The following DNAAF8 variants were observed in gnomAD, a reference collection of about 807,000 sequenced individuals.
The protein encoded by DNAAF8 is dynein axonemal-associated protein 1.
In DNAAF8, 61 loss-of-function variants were observed where a neutral mutation model predicts 54.6. That is an observed-to-expected ratio of 1.12 (90% CI 0.91 to 1.38). DNAAF8 has a LOEUF of 1.38. DNAAF8 is among the 40% of genes most tolerant of loss of function. The pLI, the probability that DNAAF8 is intolerant of heterozygous loss-of-function variation, is 0.00. For missense variants in DNAAF8, 837 were observed against 665.0 expected, an observed-to-expected ratio of 1.26 and a Z score of -2.85; for synonymous variants, 320 against 270.1, an observed-to-expected ratio of 1.18 and a Z score of -1.81.
At position 4,746,994 on chromosome 16, in the gene DNAAF8, G is replaced by T. The variant is rs1302075607; in HGVS notation, c.1249G>T (p.Glu417Ter). ...EEEMAALGDA[E>*]GASPSSLGLR... ...AGAGATGGCAGCTCTGGGAGACGCA[G>T]AGGGGGCATCTCCTTCCTCCCTGGG... Residue 417 changes from glutamate to a stop codon, truncating the protein, a stop_gained, in exon 8 of 10, where the codon GAG (glutamate) becomes TAG (stop). Coordinates refer to ENST00000299320, the MANE Select transcript of DNAAF8 (RefSeq NM_139170.3). LOFTEE classifies it high-confidence loss of function. The T allele has an allele frequency of 6.5e-7, 1 of 1,542,878 alleles. No individual in the cohort carries two copies. The highest frequency in any genetic ancestry group is 2.4e-5 in the East Asian group (1 of 41,448).
chr16:4,742,552 CAAAA>C (rs576508321), intron 4 of DNAAF8, among the ~76,000 whole-genome samples: 8 of 94,688 alleles, frequency 8.4e-5, no homozygotes, highest in Admixed American at 8.1e-4. Context: ...ACTAAAAATA[CAAAA>C]AAAAAAAAAA....
intron 7 of DNAAF8, 163 bp from the exon 8 acceptor site, chr16:4,746,764 C>T: frequency 1.3e-6 from 1 of 764,524 alleles, no homozygotes; most frequent in Non-Finnish European, 2.0e-6. Flanking sequence ...AGGGCATCAC[C>T]CACACCTGTC....
intron 4 of DNAAF8, among the ~76,000 whole-genome samples, 187 bp from the exon 5 acceptor site, chr16:4,742,856 G>A (rs1419008712): frequency 1.3e-5 from 2 of 152,146 alleles, no homozygotes; most frequent in Admixed American, 6.5e-5. Context: ...CCACCTTAAC[G>A]GAGGCGTTCA....
chr16:4,736,105 G>T (rs1018925810), intron 1 of DNAAF8, among the ~76,000 whole-genome samples: 1 of 150,920 alleles, frequency 6.6e-6, no homozygotes, highest in African/African-American at 2.4e-5. Context: ...TGCTATATGG[G>T]GTATATATAA....
intron 9 of DNAAF8, chr16:4,748,107 A>T (rs181097161): frequency 8.4e-5 from 13 of 154,936 alleles, no homozygotes; most frequent in African/African-American, 2.9e-4. Flanking sequence ...GGGCACCTAA[A>T]TTAACACACG....
chr16:4,746,807 A>AGTG, intron 7 of DNAAF8, 120 bp from the exon 8 acceptor site: 1 of 953,442 alleles, frequency 1.0e-6, no homozygotes, highest in Non-Finnish European at 1.5e-6. Context: ...ACCGGCCTCC[A>AGTG]GTGTGGCTGC....
chr16:4,748,165 CTT>C (rs941872696), intron 9 of DNAAF8: 2 of 151,786 alleles, frequency 1.3e-5, no homozygotes, highest in African/African-American at 4.8e-5. Flanking sequence ...GGTTTTTTCT[CTT>C]TTCGAGACGC....
chr16:4,743,300 A>C, intron 5 of DNAAF8, 140 bp downstream of exon 5: 2 of 591,728 alleles, frequency 3.4e-6, no homozygotes, highest in Non-Finnish European at 5.8e-6. Context: ...CGCCCTAAAC[A>C]CTCATGCTGC....
Position 4,736,477 on chromosome 16 carries a change from A to G in DNAAF8, c.-38A>G. ...TGTACCCCACAGAGCTCCCCGGATT[A>G]TGGTGCACTGAGAAGGCATCTGGAA... On this transcript the variant is annotated 5_prime_UTR_variant, in exon 2 of 10. The change abolishes an upstream ATG in the 5' untranslated region. Transcript: ENST00000299320. 1.3e-6 allele frequency: 2 copies of G among 1,494,020 alleles called. No individual in the cohort carries two copies. The highest frequency in any genetic ancestry group is 2.5e-5 in the East Asian group (1 of 40,136). The allele number at this position is 1,494,020 out of a possible 1,614,324, so 92.5% of individuals were successfully genotyped here.
chr16:4,746,665 C>T (rs1158645116), intron 7 of DNAAF8, 153 bp downstream of exon 7: 23 of 1,118,462 alleles, frequency 2.1e-5, no homozygotes, highest in Non-Finnish European at 2.7e-5. Flanking sequence ...CTACAGTCCC[C>T]CTGGGTCCCT....
intron 4 of DNAAF8, among the ~76,000 whole-genome samples, chr16:4,741,103 G>A (rs1196568629): frequency 6.6e-6 from 1 of 151,402 alleles, no homozygotes; most frequent in Non-Finnish European, 1.5e-5. Context: ...GTGTGGTGGC[G>A]GGCGCCTGTA....
In DNAAF8 at chr16:4,747,434, G is replaced by A. The variant is rs750333138; in HGVS notation, c.1372G>A (p.Ala458Thr). ...QPELPASKGP[A>T]GGRAQAPEDT... ...CGAGCTGCCTGCCAGCAAGGGGCCCGCGGGTGGGAGGGCTCAGGCCCCTGA... is the reference window on the plus strand; with the variant it reads ...CGAGCTGCCTGCCAGCAAGGGGCCCACGGGTGGGAGGGCTCAGGCCCCTGA... The change falls in exon 9 of 10, where the codon GCG (alanine) becomes ACG (threonine). Residue 458 changes from alanine (A) to threonine (T), a missense_variant. Transcript: ENST00000299320. 35 of 1,613,066 alleles carry A rather than the reference G, an allele frequency of 2.2e-5. No individual in the cohort carries two copies. In the South Asian group the frequency reaches 2.2e-4, roughly 10 times the overall value.
chr16:4,736,366 T>C, intron 1 of DNAAF8, 98 bp from the exon 2 acceptor site: 1 of 907,952 alleles, frequency 1.1e-6, no homozygotes, highest in Non-Finnish European at 1.5e-6. Context: ...TGGTGAGGCC[T>C]GCCAGCCTGT....
rs771449884 is a variant in DNAAF8 at position 4,747,473 on chromosome 16, T to C, written c.1411T>C (p.Ser471Pro). Residue 471 changes from serine to proline, a missense_variant, in exon 9 of 10, where the codon TCA becomes CCA. By Grantham distance (74) the Ser-to-Pro change is moderately conservative (BLOSUM62 -1). Coordinates refer to ENST00000299320, the MANE Select transcript of DNAAF8 (RefSeq NM_139170.3). ...RAQAPEDTAG[S>P]RTGRKQHMKL... Reference sequence around the variant, plus strand: ...TCAGGCCCCTGAAGACACAGCTGGATCACGAACTGGGAGGAAGCAACACAT... The same window carrying C: ...TCAGGCCCCTGAAGACACAGCTGGACCACGAACTGGGAGGAAGCAACACAT... 6.2e-6 allele frequency: 10 copies of C among 1,613,088 alleles called. No homozygotes were observed. The highest frequency in any genetic ancestry group is 2.7e-5 in the African/African-American group (2 of 74,922).
intron 1 of DNAAF8, 65 bp from the exon 2 acceptor site, chr16:4,736,399 G>T: frequency 1.7e-6 from 2 of 1,208,914 alleles, no homozygotes; most frequent in Non-Finnish European, 2.2e-6. Flanking sequence ...AGCTGGTAGA[G>T]CAGCCCCTGC....
intron 5 of DNAAF8, among the ~76,000 whole-genome samples, chr16:4,744,529 A>AT (rs1364491635): frequency 3.3e-5 from 5 of 149,984 alleles, no homozygotes; most frequent in African/African-American, 4.9e-5. Flanking sequence ...GGATGACCCT[A>AT]TTTTTTTTTT....
intron 3 of DNAAF8, among the ~76,000 whole-genome samples, chr16:4,739,265 G>GTTTTTTTTTTTGTTTTTTTTTTT (rs2081931930): frequency 2.9e-5 from 2 of 69,028 alleles, no homozygotes; most frequent in Non-Finnish European, 2.6e-5. Flanking sequence ...ATTTTTTCTT[G>GTTTTTTTTTTTGTTTTTTTTTTT]TTTTTTTTTT....
chr16:4,736,294 C>T (rs1049233732), intron 1 of DNAAF8, among the ~76,000 whole-genome samples, 170 bp from the exon 2 acceptor site: 1 of 99,250 alleles, frequency 1.0e-5, no homozygotes, highest in Non-Finnish European at 2.4e-5. Flanking sequence ...CACACACACA[C>T]GTACACACAC....
intron 3 of DNAAF8, among the ~76,000 whole-genome samples, chr16:4,738,924 G>A (rs567607421): frequency 9.2e-5 from 14 of 151,900 alleles, no homozygotes; most frequent in Non-Finnish European, 1.9e-4. Context: ...ACAGTGTAGA[G>A]GCACTAACCC....
Sources: gnomAD v4.1 joint callset for allele counts (sites outside exome capture counted in the v4.1 genomes callset) on GRCh38, gnomAD v4.1.1 for gene constraint, MANE v1.5 for transcripts, NCBI Gene and HGNC (gene_info 2026-07-23, HGNC 2026-07-21) for gene names.